The following TENM1 variants were observed in gnomAD, a reference collection of about 807,000 sequenced individuals.
TENM1 encodes teneurin transmembrane protein 1, also known as teneurin-1.
In TENM1, 35 loss-of-function variants were observed where a neutral mutation model predicts 174.8. That is an observed-to-expected ratio of 0.20 (90% CI 0.15 to 0.27). The LOEUF is 0.27. TENM1 is among the 10% of genes least tolerant of loss of function. The pLI, the probability that TENM1 is intolerant of heterozygous loss-of-function variation, is 1.00. For missense variants in TENM1, 1,633 were observed against 2,130.1 expected (o/e 0.77, Z 4.59); for synonymous variants, 781 against 798.7 (o/e 0.98, Z 0.37).
At chrX:124,382,193 A>G (rs970334957) in intron 31 of TENM1, among the ~76,000 whole-genome samples, 29 of 111,514 alleles carry the variant, frequency 2.6e-4, no homozygotes, top group African/African-American at 9.4e-4. Context: ...TTTTCTCAAA[A>G]CTGTACCCTT....
chrX:124,605,023 A>G lies in TENM1; in HGVS notation c.2077+36768T>C, dbSNP rs374781141. On this transcript the variant is annotated intron_variant, in intron 11 of 31. Transcript: ENST00000422452. ...CAAATAGAGGATTCCATTTAGGATC[A>G]ATGGTAGGTTTCCCTTGCTTGGGAC... 2.8e-5 allele frequency among the ~76,000 whole-genome samples: 3 copies of G among 107,089 alleles called. No individual in the cohort carries two copies. In the East Asian group the frequency reaches 8.8e-4, roughly 31 times the overall value. The allele number at this position is 107,089 out of a possible 115,157, so 93.0% of individuals were successfully genotyped here.
chrX:124,387,954 C>T (rs1022182887), intron 28 of TENM1, among the ~76,000 whole-genome samples: 3 of 112,048 alleles, frequency 2.7e-5, no homozygotes, highest in African/African-American at 9.7e-5. Context: ...AGAACTGCCT[C>T]CCTGGACCAA....
At chrX:124,865,100 A>T (rs764879487) in intron 3 of TENM1, among the ~76,000 whole-genome samples, 74 of 112,021 alleles carry the variant, frequency 6.6e-4, no homozygotes, top group African/African-American at 2.3e-3. Context: ...GACCTGTTCT[A>T]CAAGAAATGC....
chrX:125,152,122 G>A, the TENM1 span, among the ~76,000 whole-genome samples: 1 of 110,221 alleles, frequency 9.1e-6, no homozygotes, highest in Middle Eastern at 4.6e-3. Flanking sequence ...AGGCATGGTG[G>A]TGCACACCTG....
the TENM1 span, among the ~76,000 whole-genome samples, chrX:125,036,340 C>A: frequency 1.8e-5 from 2 of 111,798 alleles, no homozygotes; most frequent in African/African-American, 6.5e-5. Context: ...AGCATCGTGG[C>A]TTTGCAACGT....
intron 3 of TENM1, among the ~76,000 whole-genome samples, chrX:124,747,581 A>G: frequency 9.3e-6 from 1 of 107,560 alleles, no homozygotes; most frequent in Non-Finnish European, 1.9e-5. Context: ...TCTCTTAAGC[A>G]ATTTAGTTCT....
the TENM1 span, among the ~76,000 whole-genome samples, chrX:125,059,703 C>G: frequency 9.0e-6 from 1 of 111,182 alleles, no homozygotes; most frequent in African/African-American, 3.3e-5. Flanking sequence ...TGAGATCATG[C>G]AATGTTTTTT....
chrX:124,986,465 T>C, the TENM1 span, among the ~76,000 whole-genome samples: 1 of 112,059 alleles, frequency 8.9e-6, no homozygotes, highest in Non-Finnish European at 1.9e-5. Context: ...ATACTGGCCA[T>C]GATTCCCTCT....
At chrX:124,621,121 T>A (rs2050507841) in intron 11 of TENM1, among the ~76,000 whole-genome samples, 1 of 112,195 alleles carries the variant, frequency 8.9e-6, no homozygotes, top group Admixed American at 9.5e-5. Flanking sequence ...AGAAGTGTTT[T>A]GGATTTTGTA....
chrX:124,538,145 G>A (rs1234762172), intron 15 of TENM1, among the ~76,000 whole-genome samples: 1 of 112,046 alleles, frequency 8.9e-6, no homozygotes, highest in Non-Finnish European at 1.9e-5. Context: ...TCTGCACTTT[G>A]TAATTTTTTA....
chrX:125,193,239 A>C, the TENM1 span, among the ~76,000 whole-genome samples: 3 of 112,250 alleles, frequency 2.7e-5, no homozygotes, highest in African/African-American at 9.7e-5. Flanking sequence ...TTCTGTATCC[A>C]TGAGTTCCAC....
intron 3 of TENM1, among the ~76,000 whole-genome samples, chrX:124,861,103 C>G (rs750149634): frequency 8.0e-5 from 9 of 112,052 alleles, no homozygotes; most frequent in African/African-American, 2.6e-4. Context: ...TACAAATGAG[C>G]AAACAGTATC....
the TENM1 span, among the ~76,000 whole-genome samples, chrX:124,973,331 G>A: frequency 2.1e-3 from 233 of 111,733 alleles, no homozygotes; most frequent in African/African-American, 7.4e-3. Flanking sequence ...TTGAAGTCAG[G>A]TAGCATGATA....
chrX:124,444,992 GT>G (rs1341447802), intron 23 of TENM1, among the ~76,000 whole-genome samples: 1 of 111,635 alleles, frequency 9.0e-6, no homozygotes, highest in Non-Finnish European at 1.9e-5. Flanking sequence ...CCACTTATTG[GT>G]TGTGCGGCCT....
At chrX:124,606,012 T>C (rs1389873138) in intron 11 of TENM1, among the ~76,000 whole-genome samples, 1 of 111,695 alleles carries the variant, frequency 9.0e-6, no homozygotes, top group Non-Finnish European at 1.9e-5. Flanking sequence ...AGCAACATGA[T>C]GTTTTTCTTC....
intron 3 of TENM1, among the ~76,000 whole-genome samples, chrX:124,754,362 T>A (rs1198988502): frequency 8.9e-6 from 1 of 111,898 alleles, no homozygotes; most frequent in Admixed American, 9.5e-5. Flanking sequence ...ATTGCGTCTA[T>A]TTGATTCTTC....
At chrX:124,558,562 T>C (rs2048743812) in intron 14 of TENM1, among the ~76,000 whole-genome samples, 1 of 111,471 alleles carries the variant, frequency 9.0e-6, no homozygotes. Flanking sequence ...TAATAATTAG[T>C]CATATTTAAC....
At chrX:124,439,344 G>A (rs927894728) in intron 23 of TENM1, among the ~76,000 whole-genome samples, 2 of 112,007 alleles carry the variant, frequency 1.8e-5, no homozygotes, top group Non-Finnish European at 1.9e-5. Flanking sequence ...AAGAGATAGA[G>A]GATGATCTAA....
At chrX:125,176,897 C>G in the TENM1 span, among the ~76,000 whole-genome samples, 1 of 111,565 alleles carries the variant, frequency 9.0e-6, no homozygotes, top group African/African-American at 3.2e-5. Context: ...TTGGTGCAAA[C>G]TGGTACTCAG....
Sources: gnomAD v4.1 joint callset for allele counts (sites outside exome capture counted in the v4.1 genomes callset) on GRCh38, gnomAD v4.1.1 for gene constraint, MANE v1.5 for transcripts, NCBI Gene and HGNC (gene_info 2026-07-23, HGNC 2026-07-21) for gene names.